CDK5RAP2: variants seen among roughly 807,000 people sequenced by gnomAD.
CDK5RAP2 encodes CDK5 regulatory subunit associated protein 2.
A neutral mutation model predicts 232.9 loss-of-function variants in CDK5RAP2; 147 were observed. That is an observed-to-expected ratio of 0.63 (90% CI 0.55 to 0.72). The LOEUF is 0.72. Among genes scored for constraint, CDK5RAP2 ranks in the 30% least tolerant of loss-of-function variants. CDK5RAP2 has a pLI of 0.00. For synonymous variants in CDK5RAP2, 833 were observed against 833.7 expected, an observed-to-expected ratio of 1.00 and a Z score of 0.01; for missense variants, 2,195 against 2,231.5, an observed-to-expected ratio of 0.98 and a Z score of 0.33.
At chr9:120,472,254 C>G (rs1036703790) in intron 15 of CDK5RAP2, among the ~76,000 whole-genome samples, 1 of 152,044 alleles carries the variant, frequency 6.6e-6, no homozygotes, top group Non-Finnish European at 1.5e-5. Context: ...GGTGAATGTC[C>G]CACCACTTAC....
At chr9:120,459,504 G>A (rs1364000736) in intron 19 of CDK5RAP2, among the ~76,000 whole-genome samples, 3 of 152,060 alleles carry the variant, frequency 2.0e-5, no homozygotes, top group Non-Finnish European at 4.4e-5. Context: ...TTACTTATAG[G>A]GTCTTCTTTG....
chr9:120,395,580 G>A (rs777940209), intron 35 of CDK5RAP2, among the ~76,000 whole-genome samples: 3 of 152,240 alleles, frequency 2.0e-5, no homozygotes, highest in Admixed American at 6.5e-5. Context: ...GAAAAGCACC[G>A]TGGCACAGGC....
At chr9:120,503,373 C>T (rs997755127) in intron 12 of CDK5RAP2, among the ~76,000 whole-genome samples, 16 of 152,068 alleles carry the variant, frequency 1.1e-4, no homozygotes, top group Non-Finnish European at 2.1e-4. Context: ...GCAGAGATGG[C>T]CCTGAAGAAG....
intron 2 of CDK5RAP2, 45 bp from the exon 3 acceptor site, chr9:120,568,433 G>T (rs1347813830): frequency 7.4e-7 from 1 of 1,350,826 alleles, no homozygotes; most frequent in Admixed American, 1.7e-5. Flanking sequence ...CATGCAAACT[G>T]CCCAGTGTTC....
rs375295453 is a variant in CDK5RAP2 at position 120,542,047 on chromosome 9, A to G, written c.384-2883T>C. Among the ~76,000 whole-genome samples, 5 of 152,336 alleles carry G rather than the reference A, an allele frequency of 3.3e-5. No individual in the cohort carries two copies. The East Asian group carries it at 7.7e-4, about 23-fold the overall frequency. ...TTCTAATTATGGTTCTTCAGGAAAA[A>G]GCAGGGGATTTTCCTGTGGCAGATG... On this transcript the variant is annotated intron_variant, in intron 5 of 37. Coordinates refer to ENST00000349780, the MANE Select transcript of CDK5RAP2 (RefSeq NM_018249.6).
chr9:120,540,061 G>A (rs1438982462), intron 5 of CDK5RAP2, among the ~76,000 whole-genome samples: 1 of 152,162 alleles, frequency 6.6e-6, no homozygotes, highest in Non-Finnish European at 1.5e-5. Context: ...CCCATACTCC[G>A]TGTTACTCTA....
intron 32 of CDK5RAP2, among the ~76,000 whole-genome samples, chr9:120,405,885 C>CA (rs2033400487): frequency 6.6e-6 from 1 of 151,836 alleles, no homozygotes; most frequent in Non-Finnish European, 1.5e-5. Context: ...TAATATTGGG[C>CA]AAAAACAAAG....
At chr9:120,398,605 C>T (rs1300156144) in intron 35 of CDK5RAP2, among the ~76,000 whole-genome samples, 5 of 152,150 alleles carry the variant, frequency 3.3e-5, no homozygotes, top group African/African-American at 1.2e-4. Context: ...CATTTATATA[C>T]TTGCTAAGTC....
chr9:120,557,891 G>A (rs562754173), intron 3 of CDK5RAP2, among the ~76,000 whole-genome samples: 137 of 148,058 alleles, frequency 9.3e-4, no homozygotes, highest in Non-Finnish European at 1.5e-3. Flanking sequence ...TCAGCCTCCC[G>A]AGCAGCTGGG....
At chr9:120,389,688 G>A in intron 37 of CDK5RAP2, 53 bp downstream of exon 37, 4 of 1,541,064 alleles carry the variant, frequency 2.6e-6, no homozygotes, top group Non-Finnish European at 3.6e-6. Context: ...TTCTGGCCCT[G>A]CACTCCTCCT....
intron 14 of CDK5RAP2, among the ~76,000 whole-genome samples, chr9:120,485,651 A>G (rs2038561512): frequency 6.6e-6 from 1 of 152,266 alleles, no homozygotes. Context: ...AGTAATGAAG[A>G]TATTTCCAAC....
chr9:120,477,693 C>T (rs1588441563), intron 14 of CDK5RAP2, among the ~76,000 whole-genome samples: 1 of 152,190 alleles, frequency 6.6e-6, no homozygotes, highest in Non-Finnish European at 1.5e-5. Flanking sequence ...CTGCTTCCAA[C>T]AGCTGCTAGG....
At chr9:120,496,922 C>A (rs2051695439) in intron 12 of CDK5RAP2, among the ~76,000 whole-genome samples, 1 of 141,214 alleles carries the variant, frequency 7.1e-6, no homozygotes. Context: ...CCCAACAGCT[C>A]ATTGAGAACG....
intron 13 of CDK5RAP2, among the ~76,000 whole-genome samples, chr9:120,487,642 T>C (rs1026212138): frequency 6.6e-6 from 1 of 152,200 alleles, no homozygotes; most frequent in East Asian, 1.9e-4. Context: ...GCAGAATAGC[T>C]GAATGCCAGC....
rs1275896088 is a variant in CDK5RAP2 at position 120,473,250 on chromosome 9, C to CT, written c.1728-1373dup. ...ACACATTAACAAATCAGAAAGCCTT[C>CT]TTTTTTAGATACCAAGAGATCTATC... On this transcript the variant is annotated intron_variant, in intron 15 of 37. Coordinates refer to ENST00000349780, the MANE Select transcript of CDK5RAP2 (RefSeq NM_018249.6). Among the ~76,000 whole-genome samples, 4 of 152,192 alleles carry CT rather than the reference C, an allele frequency of 2.6e-5. No homozygotes were observed. The South Asian group carries it at 8.3e-4, about 31-fold the overall frequency.
At chr9:120,447,332 C>T (rs1012714767) in intron 22 of CDK5RAP2, among the ~76,000 whole-genome samples, 1 of 152,154 alleles carries the variant, frequency 6.6e-6, no homozygotes, top group Non-Finnish European at 1.5e-5. Flanking sequence ...GACTAGAGGA[C>T]GCCACTAGAC....
At chr9:120,409,414 G>A in intron 29 of CDK5RAP2, 98 bp from the exon 30 acceptor site, 1 of 895,154 alleles carries the variant, frequency 1.1e-6, no homozygotes. Context: ...AAAAGAATGA[G>A]ATTCGATCTG....
intron 7 of CDK5RAP2, 139 bp from the exon 8 acceptor site, chr9:120,530,279 A>G: frequency 1.5e-6 from 1 of 647,342 alleles, no homozygotes; most frequent in Non-Finnish European, 2.7e-6. Flanking sequence ...CACATTTTGC[A>G]GGTAGGAGAT....
At position 120,571,930 on chromosome 9, in the gene CDK5RAP2, T is replaced by A. The variant is rs757354416; in HGVS notation, c.127+44A>T. The stretch of plus-strand genomic sequence containing the variant: ...GATGCTCACAGTCCAATGTCTACTT[T>A]CCTTGTTCTTTACTCAAGAGAATGC... On this transcript the variant is annotated intron_variant, in intron 2 of 37. Transcript: ENST00000349780. The A allele has an allele frequency of 5.4e-6, 8 of 1,486,376 alleles. No homozygotes were observed. In the Admixed American group the frequency reaches 8.4e-5, roughly 16 times the overall value. The allele number at this position is 1,486,376 out of a possible 1,614,324, so 92.1% of individuals were successfully genotyped here. A position where few individuals can be genotyped will look rare whatever the true frequency, so the allele number is the denominator to read the frequency against.
Sources: allele counts gnomAD v4.1 joint callset (sites outside exome capture counted in the v4.1 genomes callset), GRCh38; gene constraint gnomAD v4.1.1; transcripts MANE v1.5; gene names NCBI Gene and HGNC (gene_info 2026-07-23, HGNC 2026-07-21).